Variants in CARMIL3 observed in about 807,000 individuals in gnomAD.
CARMIL3 encodes capping protein, Arp2/3 and myosin-I linker protein 3.
CARMIL3 carries 88 observed loss-of-function variants against 180.8 expected under a neutral mutation model. The observed-to-expected ratio is 0.49, with a 90% CI of 0.41 to 0.58. CARMIL3 has a LOEUF of 0.58. Ranked by LOEUF, CARMIL3 falls within the 20% of genes least tolerant of loss-of-function variation. CARMIL3 has a pLI of 0.00. For missense variants in CARMIL3, 1,548 were observed against 1,787.0 expected, an observed-to-expected ratio of 0.87 and a Z score of 2.41; for synonymous variants, 696 against 714.5, an observed-to-expected ratio of 0.97 and a Z score of 0.41.
At chr14:24,053,983 G>T (rs12431777) in intron 2 of CARMIL3, 105 bp from the exon 3 acceptor site, 3 of 1,346,952 alleles carry the variant, frequency 2.2e-6, no homozygotes, top group Non-Finnish European at 3.1e-6. Context: ...GTAGGGCATC[G>T]GGTTGGGGAG....
intron 36 of CARMIL3, among the ~76,000 whole-genome samples, chr14:24,067,544 CA>C (rs2035799416): frequency 6.6e-6 from 1 of 152,270 alleles, no homozygotes; most frequent in Admixed American, 6.5e-5. Context: ...ACCCATTCTG[CA>C]TCTGCCCCTC....
Position 24,054,236 on chromosome 14 carries a change from T to C in CARMIL3, c.187-6T>C. 1 of 1,614,116 alleles carries C rather than the reference T, an allele frequency of 6.2e-7. No homozygotes were observed. The highest frequency in any genetic ancestry group is 8.5e-7 in the Non-Finnish European group (1 of 1,179,998). On this transcript the variant is annotated splice_region_variant and splice_polypyrimidine_tract_variant and intron_variant, in intron 3 of 39. Transcript: ENST00000342740. This position sits in a 1 kb window ranked among gnomAD's most constrained non-coding sequence, Gnocchi z 5.1. ...ACCAGGAGCTGAGCATCTCCATCCC[T>C]CCTAGGTGGAGAGCTCCTTCAATGT...
At chr14:24,053,146 G>A (rs1279463586) in intron 1 of CARMIL3, among the ~76,000 whole-genome samples, 4 of 151,738 alleles carry the variant, frequency 2.6e-5, no homozygotes, top group East Asian at 3.9e-4. Flanking sequence ...TCTTCTCCCC[G>A]CCCAACACAC....
At position 24,061,053 on chromosome 14, in the gene CARMIL3, GGAGGGA is replaced by G. The variant is rs2035727961; in HGVS notation, c.2304+15_2304+20del. ...CAAGGAGCTGCAGGCAAGTCCTGGA[GGAGGGA>G]GGAATCCATGGTGGGAACCTAGTGT... is the stretch of plus-strand genomic sequence containing the variant. On this transcript the variant is annotated intron_variant, in intron 26 of 39. Transcript: ENST00000342740. This position sits in a 1 kb window ranked among gnomAD's most constrained non-coding sequence, Gnocchi z 4.1. 6.5e-7 allele frequency: 1 copy of G among 1,549,668 alleles called. No homozygotes were observed. Among genetic ancestry groups the G allele is most frequent in the African/African-American group, 1.4e-5 (1 of 73,140 alleles).
Position 24,061,994 on chromosome 14 carries a change from A to G in CARMIL3, c.2480+322A>G. 1 of 347,434 alleles carries G rather than the reference A, an allele frequency of 2.9e-6. No individual in the cohort carries two copies. The highest frequency in any genetic ancestry group is 8.6e-4 in the Middle Eastern group (1 of 1,158). 21.5% of individuals were successfully genotyped at this position (347,434 alleles called of 1,614,324 possible). Reference sequence around the variant, plus strand: ...AAAAGTACCTGAGTTGGGTGCATGGAAGCACTGTCTTCCTCCCAGTTTTCA... The same window carrying G: ...AAAAGTACCTGAGTTGGGTGCATGGGAGCACTGTCTTCCTCCCAGTTTTCA... On this transcript the variant is annotated intron_variant, in intron 27 of 39. Coordinates refer to ENST00000342740, the MANE Select transcript of CARMIL3 (RefSeq NM_138360.4). This position sits in a 1 kb window ranked among gnomAD's most constrained non-coding sequence, Gnocchi z 4.1.
Position 24,055,746 on chromosome 14 carries a change from G to A in CARMIL3, c.727G>A (p.Gly243Arg), listed in dbSNP as rs372068158. 1 of 1,613,976 alleles carries A rather than the reference G, an allele frequency of 6.2e-7. No individual in the cohort carries two copies. The change falls in exon 10 of 40, where the codon GGG becomes AGG. Residue 243 changes from glycine (G) to arginine (R), a missense_variant. Physicochemically the swap from Gly to Arg is moderately radical, Grantham distance 125. Transcript: ENST00000342740. ...EQVLHTLSKS[G>R]SLEELVLDNA... Reference sequence around the variant, plus strand: ...GGTGCTACATACCCTAAGCAAGTCGGGGAGCCTCGAAGAGCTGGTGCTGGA... The same window carrying A: ...GGTGCTACATACCCTAAGCAAGTCGAGGAGCCTCGAAGAGCTGGTGCTGGA...
In CARMIL3 at chr14:24,063,491, C is replaced by A; in HGVS notation, c.2937C>A (p.Pro979=). The change falls in exon 31 of 40, where the codon CCC becomes CCA. Residue 979 remains proline (P), a synonymous_variant. Transcript: ENST00000342740. ...TAAGGCATCAAACACAAGGGAGGCC[C>A]CGCCCCCCCAGGACCACACCTCCAG... ...YKLRHQTQGR[P]RPPRTTPPGP... 1 of 1,613,556 alleles carries A rather than the reference C, an allele frequency of 6.2e-7. No homozygotes were observed.
Position 24,060,993 on chromosome 14 carries a change from G to C in CARMIL3, c.2257G>C (p.Glu753Gln). The change falls in exon 26 of 40, where the codon GAA (glutamate) becomes CAA (glutamine). Residue 753 changes from glutamate (E) to glutamine (Q), a missense_variant. Physicochemically the swap from Glu to Gln is conservative, Grantham distance 29. Coordinates refer to ENST00000342740, the MANE Select transcript of CARMIL3 (RefSeq NM_138360.4). ...ANDGPVRQRL[E>Q]SVASEVSKAV... Reference sequence around the variant, plus strand: ...TGATGGGCCTGTGCGGCAGAGGCTGGAATCAGTAGCAAGTGAGGTGTCCAA... The same window carrying C: ...TGATGGGCCTGTGCGGCAGAGGCTGCAATCAGTAGCAAGTGAGGTGTCCAA... The C allele has an allele frequency of 6.4e-7, 1 of 1,551,704 alleles. No homozygotes were observed. Among genetic ancestry groups the C allele is most frequent in the Non-Finnish European group, 8.7e-7 (1 of 1,146,986 alleles).
rs998387119 is a variant in CARMIL3, at chr14:24,064,821, G to A, written c.3081-137G>A. 28 of 877,308 alleles carry A rather than the reference G, an allele frequency of 3.2e-5. No individual in the cohort carries two copies. In the South Asian group the frequency reaches 4.4e-4, roughly 14 times the overall value. The allele number at this position is 877,308 out of a possible 1,614,324, so 54.3% of individuals were successfully genotyped here. On this transcript the variant is annotated intron_variant, in intron 32 of 39. Coordinates refer to ENST00000342740, the MANE Select transcript of CARMIL3 (RefSeq NM_138360.4). ...TTACAACGGGACAGGAAAGGCAAGG[G>A]CATCATCTCCCTGAGAACTAAGTGG...
At position 24,068,919 on chromosome 14, in the gene CARMIL3, G is replaced by A. The variant is rs376245917; in HGVS notation, c.3935G>A (p.Arg1312Gln). ...GCAGCTCCAGGAGTCAACAAACCCC[G>A]GCTGAGGCTGAGCTCACAGCAAGAC... ...GDAAPGVNKPRLRLSSQQDQE... is the reference protein window; with the variant it reads ...GDAAPGVNKPQLRLSSQQDQE... The change falls in exon 38 of 40, where the codon CGG (arginine) becomes CAG (glutamine). Residue 1312 changes from arginine (R) to glutamine (Q), a missense_variant. Coordinates refer to ENST00000342740, the MANE Select transcript of CARMIL3 (RefSeq NM_138360.4). The A allele has an allele frequency of 8.8e-5, 140 of 1,587,210 alleles. No homozygotes were observed. Among genetic ancestry groups the A allele is most frequent in the Middle Eastern group, 6.6e-4 (4 of 6,038 alleles).
At chr14:24,053,355 G>T (rs554516775) in intron 1 of CARMIL3, among the ~76,000 whole-genome samples, 8 of 151,968 alleles carry the variant, frequency 5.3e-5, no homozygotes, top group Admixed American at 5.2e-4. Flanking sequence ...GACTCACTTT[G>T]TATGTGTCAA....
Position 24,069,548 on chromosome 14 carries a change from C to A in CARMIL3, c.*144C>A. The A allele has an allele frequency of 9.2e-7, 1 of 1,081,138 alleles. No individual in the cohort carries two copies. The highest frequency in any genetic ancestry group is 1.3e-6 in the Non-Finnish European group (1 of 750,308). 67.0% of individuals were successfully genotyped at this position (1,081,138 alleles called of 1,614,324 possible). A position where few individuals can be genotyped will look rare whatever the true frequency, so the allele number is the denominator to read the frequency against. ...GGACCAGGCATGGGGGAGCTGGAGG[C>A]AGGGACTAGAACAGAGGGAGCCACC... is the stretch of plus-strand genomic sequence containing the variant. On this transcript the variant is annotated 3_prime_UTR_variant, in exon 40 of 40. Coordinates refer to ENST00000342740, the MANE Select transcript of CARMIL3 (RefSeq NM_138360.4).
In CARMIL3 at chr14:24,061,930, G is replaced by A; in HGVS notation, c.2480+258G>A. The A allele has an allele frequency of 2.2e-6, 1 of 448,890 alleles. No individual in the cohort carries two copies. Among genetic ancestry groups the A allele is most frequent in the Admixed American group, 3.9e-5 (1 of 25,386 alleles). The allele number at this position is 448,890 out of a possible 1,614,324, so 27.8% of individuals were successfully genotyped here. A position where few individuals can be genotyped will look rare whatever the true frequency, so the allele number is the denominator to read the frequency against. ...ACACATACCCACACAAATACACCAG[G>A]AATGGGATAGCAGGGCCTCCTCGGA... On this transcript the variant is annotated intron_variant, in intron 27 of 39. Transcript: ENST00000342740. The surrounding 1 kb of genome is among the most constrained non-coding windows in gnomAD (Gnocchi z 4.1).
Position 24,054,932 on chromosome 14 carries a change from C to G in CARMIL3, c.460+124C>G. On this transcript the variant is annotated intron_variant, in intron 6 of 39. Transcript: ENST00000342740. The surrounding 1 kb of genome is among the most constrained non-coding windows in gnomAD (Gnocchi z 5.1). ...GCCTGCCTGAAGGACTCCCAGCTCC[C>G]AGACCTCAGGAAGTTCATGGCATAG... is the stretch of plus-strand genomic sequence containing the variant. The G allele has an allele frequency of 7.3e-7, 1 of 1,378,560 alleles. No homozygotes were observed. Among genetic ancestry groups the G allele is most frequent in the Non-Finnish European group, 1.0e-6 (1 of 985,286 alleles). 85.4% of individuals were successfully genotyped at this position (1,378,560 alleles called of 1,614,324 possible). A position where few individuals can be genotyped will look rare whatever the true frequency, so the allele number is the denominator to read the frequency against.
At position 24,069,361 on chromosome 14, in the gene CARMIL3, T is replaced by C. The variant is rs758468751; in HGVS notation, c.4094-18T>C. Reference sequence around the variant, plus strand: ...TCCCTGCCCAGGAAACAGGGCTCCCTGGATTTGTCCCCAGCAGGAACCAGT... The same window carrying C: ...TCCCTGCCCAGGAAACAGGGCTCCCCGGATTTGTCCCCAGCAGGAACCAGT... On this transcript the variant is annotated intron_variant, in intron 39 of 39. Coordinates refer to ENST00000342740, the MANE Select transcript of CARMIL3 (RefSeq NM_138360.4). The C allele has an allele frequency of 2.5e-6, 4 of 1,613,980 alleles. No homozygotes were observed. In the African/African-American group the frequency reaches 5.3e-5, roughly 22 times the overall value.
chr14:24,053,668 G>A, intron 1 of CARMIL3, 41 bp from the exon 2 acceptor site: 1 of 1,521,246 alleles, frequency 6.6e-7, no homozygotes, highest in Non-Finnish European at 9.0e-7. Flanking sequence ...GGGGTGGCCA[G>A]GGTAAGGTGA....
intron 2 of CARMIL3, 37 bp downstream of exon 2, chr14:24,053,840 C>A (rs1426118498): frequency 6.4e-7 from 1 of 1,560,918 alleles, no homozygotes; most frequent in Non-Finnish European, 8.8e-7. Context: ...GAGGAGGTGG[C>A]TGGCAAGGGC....
chr14:24,058,081 G>A lies in CARMIL3; in HGVS notation c.1322+17G>A. 1 of 1,613,774 alleles carries A rather than the reference G, an allele frequency of 6.2e-7. No individual in the cohort carries two copies. Among genetic ancestry groups the A allele is most frequent in the Non-Finnish European group, 8.5e-7 (1 of 1,179,978 alleles). ...GGCCCTCAGGTCGGGTGGGTGCAGG[G>A]TTGGGGGCGCATCCAAGGGAACCAC... On this transcript the variant is annotated intron_variant, in intron 16 of 39. Transcript: ENST00000342740. This position sits in a 1 kb window ranked among gnomAD's most constrained non-coding sequence, Gnocchi z 6.4.
Position 24,058,821 on chromosome 14 carries a change from G to C in CARMIL3, c.1474+60G>C. The C allele has an allele frequency of 6.2e-7, 1 of 1,612,714 alleles. No individual in the cohort carries two copies. Among genetic ancestry groups the C allele is most frequent in the South Asian group, 1.1e-5 (1 of 91,050 alleles). ...GGAGAACAGGGGCCTGGAGCATGCAGAAGCAGCCCTGATGGGACACCAGTC... is the reference window on the plus strand; with the variant it reads ...GGAGAACAGGGGCCTGGAGCATGCACAAGCAGCCCTGATGGGACACCAGTC... On this transcript the variant is annotated intron_variant, in intron 18 of 39. Transcript: ENST00000342740. This position sits in a 1 kb window ranked among gnomAD's most constrained non-coding sequence, Gnocchi z 6.4.
Sources: gnomAD v4.1 joint callset for allele counts (sites outside exome capture counted in the v4.1 genomes callset) on GRCh38, gnomAD v4.1.1 for gene constraint, Gnocchi (gnomAD v3.1) non-coding constraint, MANE v1.5 for transcripts, NCBI Gene and HGNC (gene_info 2026-07-23, HGNC 2026-07-21) for gene names.